Variants in CDK14 observed in about 807,000 individuals in gnomAD.
The protein encoded by CDK14 is cyclin-dependent kinase 14.
Under a neutral mutation model 60.7 loss-of-function variants are expected in CDK14, and 34 were observed. That is an observed-to-expected ratio of 0.56 (90% CI 0.43 to 0.75). CDK14 has a LOEUF of 0.75. CDK14 is among the 30% of genes least tolerant of loss of function. The pLI, the probability that CDK14 is intolerant of heterozygous loss-of-function variation, is 0.00. For missense variants in CDK14, 482 were observed against 564.1 expected (o/e 0.85, Z 1.47); for synonymous variants, 197 against 203.7 (o/e 0.97, Z 0.28).
At chr7:90,755,865 C>T (rs1804034976) in intron 4 of CDK14, among the ~76,000 whole-genome samples, 1 of 152,046 alleles carries the variant, frequency 6.6e-6, no homozygotes, top group Non-Finnish European at 1.5e-5. Flanking sequence ...AATTTAGTGT[C>T]AATAACATGA....
chr7:91,092,650 G>C (rs1401384702), intron 12 of CDK14, among the ~76,000 whole-genome samples: 1 of 152,204 alleles, frequency 6.6e-6, no homozygotes, highest in Non-Finnish European at 1.5e-5. Context: ...AACTCCAGAA[G>C]TACTTTAGGC....
At chr7:90,823,499 C>T (rs1434068351) in intron 5 of CDK14, among the ~76,000 whole-genome samples, 1 of 152,166 alleles carries the variant, frequency 6.6e-6, no homozygotes, top group Non-Finnish European at 1.5e-5. Context: ...GCTTCCGGCA[C>T]AGAGAGAAGA....
At chr7:90,891,444 C>T (rs1281057919) in intron 6 of CDK14, among the ~76,000 whole-genome samples, 1 of 152,158 alleles carries the variant, frequency 6.6e-6, no homozygotes, top group East Asian at 1.9e-4. Context: ...TAAACTATGC[C>T]TACCTATTTA....
chr7:90,853,421 A>G (rs1790713805), intron 5 of CDK14, among the ~76,000 whole-genome samples: 1 of 152,068 alleles, frequency 6.6e-6, no homozygotes, highest in African/African-American at 2.4e-5. Context: ...AAAGACAAAG[A>G]CAGACACTAG....
At chr7:90,788,231 C>T (rs1805680125) in intron 4 of CDK14, among the ~76,000 whole-genome samples, 1 of 152,170 alleles carries the variant, frequency 6.6e-6, no homozygotes, top group African/African-American at 2.4e-5. Context: ...GAATCAGTTA[C>T]TGCCTCCTCA....
intron 4 of CDK14, among the ~76,000 whole-genome samples, chr7:90,779,452 C>T (rs1226428506): frequency 6.6e-6 from 1 of 152,054 alleles, no homozygotes; most frequent in East Asian, 1.9e-4. Flanking sequence ...AGGGATTTTG[C>T]TGTGTGGCCC....
chr7:90,697,300 G>A (rs1242250627), intron 2 of CDK14, among the ~76,000 whole-genome samples: 3 of 152,044 alleles, frequency 2.0e-5, no homozygotes, highest in Non-Finnish European at 2.9e-5. Flanking sequence ...ATCTACAGTC[G>A]CTATAACATG....
At chr7:91,110,704 T>C (rs1799446402) in intron 12 of CDK14, among the ~76,000 whole-genome samples, 1 of 152,212 alleles carries the variant, frequency 6.6e-6, no homozygotes, top group South Asian at 2.1e-4. Flanking sequence ...TAATAATAGT[T>C]ATTTGTCTGA....
At chr7:91,172,535 G>A (rs936374780) in intron 14 of CDK14, among the ~76,000 whole-genome samples, 12 of 152,166 alleles carry the variant, frequency 7.9e-5, no homozygotes, top group Non-Finnish European at 1.8e-4. Context: ...AATCTAAGCA[G>A]TCACTTCCTG....
chr7:90,884,949 C>T (rs762398039), intron 6 of CDK14, among the ~76,000 whole-genome samples: 5 of 152,044 alleles, frequency 3.3e-5, no homozygotes, highest in Admixed American at 6.6e-5. Flanking sequence ...GATGGCTTAA[C>T]GGCTTAAATG....
chr7:90,796,816 T>G (rs1257442352), intron 5 of CDK14, among the ~76,000 whole-genome samples: 1 of 151,894 alleles, frequency 6.6e-6, no homozygotes, highest in Non-Finnish European at 1.5e-5. Context: ...CACAAGAGTT[T>G]AGCGTAAGTA....
At chr7:91,121,093 G>A (rs1029545324) in intron 14 of CDK14, among the ~76,000 whole-genome samples, 2 of 152,142 alleles carry the variant, frequency 1.3e-5, no homozygotes, top group Admixed American at 6.6e-5. Flanking sequence ...CTTGTGGAAT[G>A]GCCTTTCTCT....
At chr7:90,637,925 A>C (rs1800196207) in intron 2 of CDK14, among the ~76,000 whole-genome samples, 1 of 148,376 alleles carries the variant, frequency 6.7e-6, no homozygotes, top group Non-Finnish European at 1.5e-5. Flanking sequence ...TGTTGGTTTA[A>C]AGTCTGTTTT....
At chr7:90,979,222 A>G (rs1349869592) in intron 9 of CDK14, among the ~76,000 whole-genome samples, 1 of 152,174 alleles carries the variant, frequency 6.6e-6, no homozygotes, top group African/African-American at 2.4e-5. Context: ...ATATTTTTCA[A>G]CCATTTAAAA....
intron 2 of CDK14, among the ~76,000 whole-genome samples, chr7:90,615,156 C>A (rs1490077977): frequency 6.6e-6 from 1 of 151,884 alleles, no homozygotes; most frequent in African/African-American, 2.4e-5. Flanking sequence ...TTTTTATGAC[C>A]CATGTAGTTA....
intron 2 of CDK14, among the ~76,000 whole-genome samples, chr7:90,609,543 C>T (rs113645331): frequency 6.6e-6 from 1 of 152,224 alleles, no homozygotes; most frequent in African/African-American, 2.4e-5. Flanking sequence ...GCACCTCCCC[C>T]TTCGCTGTCT....
At chr7:91,119,472 A>T (rs1314516354) in intron 14 of CDK14, among the ~76,000 whole-genome samples, 3 of 152,250 alleles carry the variant, frequency 2.0e-5, no homozygotes, top group African/African-American at 7.2e-5. Flanking sequence ...TGACAGAGCC[A>T]GACCCTGTCT....
chr7:90,809,660 T>A (rs940513373), intron 5 of CDK14, among the ~76,000 whole-genome samples: 3 of 151,952 alleles, frequency 2.0e-5, no homozygotes, highest in Non-Finnish European at 2.9e-5. Flanking sequence ...CAAAAAACCC[T>A]TCAAAGAAAT....
At chr7:90,946,389 A>T (rs543983201) in intron 8 of CDK14, among the ~76,000 whole-genome samples, 2 of 152,328 alleles carry the variant, frequency 1.3e-5, no homozygotes, top group South Asian at 4.1e-4. Context: ...CAAAATAAAG[A>T]TGTGCATATC....
Sources: gnomAD v4.1 joint callset for allele counts (sites outside exome capture counted in the v4.1 genomes callset) on GRCh38, gnomAD v4.1.1 for gene constraint, MANE v1.5 for transcripts, NCBI Gene and HGNC (gene_info 2026-07-23, HGNC 2026-07-21) for gene names.